The following DRC4 variants were observed in gnomAD, a reference collection of about 807,000 sequenced individuals.
DRC4 encodes dynein regulatory complex subunit 4, also known as GAS-11.
At chr16:90,031,340 C>T in the DRC4 span, 206,956 of 1,613,226 alleles carry the variant, frequency 0.13, 22,896 homozygotes, top group East Asian at 0.65. Context: ...AGCTGGACCG[C>T]GAGCGGGAGG....
At chr16:90,020,461 G>A in the DRC4 span, among the ~76,000 whole-genome samples, 1 of 152,206 alleles carries the variant, frequency 6.6e-6, no homozygotes, top group African/African-American at 2.4e-5. Flanking sequence ...ATCAGACAGA[G>A]GGCAGTCGGT....
At chr16:90,043,350 C>CT in the DRC4 span, 1 of 1,604,472 alleles carries the variant, frequency 6.2e-7, no homozygotes, top group South Asian at 1.1e-5. Context: ...ACGTAGCTGC[C>CT]CCCCTGGGGG....
the DRC4 span, among the ~76,000 whole-genome samples, chr16:90,028,173 A>AT: frequency 7.2e-3 from 462 of 63,798 alleles, 109 homozygotes; most frequent in African/African-American, 0.014. Context: ...TTAATCGTTC[A>AT]TTTTTTTTTT....
At chr16:90,028,723 C>CT in the DRC4 span, among the ~76,000 whole-genome samples, 5 of 152,238 alleles carry the variant, frequency 3.3e-5, no homozygotes, top group Admixed American at 3.3e-4. Flanking sequence ...GGTGCACCCT[C>CT]TGGCCTCTGC....
At chr16:90,031,271 C>T in the DRC4 span, 3 of 1,610,028 alleles carry the variant, frequency 1.9e-6, no homozygotes, top group African/African-American at 1.3e-5. Flanking sequence ...CTGCTCAGTG[C>T]CTCACCTGAC....
the DRC4 span, among the ~76,000 whole-genome samples, chr16:90,032,136 AAGGTGTGGTAC>A: frequency 1.4e-4 from 14 of 102,742 alleles, no homozygotes; most frequent in Non-Finnish European, 2.0e-4. Flanking sequence ...GACAGGTGAG[AAGGTGTGGTAC>A]AGGTGTGGTG....
chr16:90,037,538 C>G, the DRC4 span: 3 of 1,102,366 alleles, frequency 2.7e-6, no homozygotes, highest in Non-Finnish European at 3.9e-6. Context: ...TTCTCTGCCT[C>G]GTGTTCTCCT....
chr16:90,041,912 A>T, the DRC4 span, among the ~76,000 whole-genome samples: 6 of 152,206 alleles, frequency 3.9e-5, no homozygotes, highest in African/African-American at 1.4e-4. Context: ...CCCTCACCTC[A>T]TCTGCATTTC....
chr16:90,032,497 A>G, the DRC4 span, among the ~76,000 whole-genome samples: 5 of 148,730 alleles, frequency 3.4e-5, no homozygotes, highest in African/African-American at 1.3e-4. Flanking sequence ...ACGGGTACGG[A>G]CAGGTGAGGA....
At chr16:90,043,876 G>A in the DRC4 span, 59,932 of 461,640 alleles carry the variant, frequency 0.13, 7,146 homozygotes, top group East Asian at 0.61. Flanking sequence ...GCCAGCGTGC[G>A]GGAACGGGCA....
the DRC4 span, chr16:90,036,416 C>A: frequency 2.5e-6 from 4 of 1,611,204 alleles, no homozygotes; most frequent in Non-Finnish European, 3.4e-6. Flanking sequence ...GATGAAGATG[C>A]TGAGGGACGA....
At chr16:90,042,787 G>A in the DRC4 span, 3 of 539,462 alleles carry the variant, frequency 5.6e-6, no homozygotes, top group South Asian at 4.2e-5. Flanking sequence ...ACGCTTCCCT[G>A]GTCAGCCCCT....
chr16:90,029,249 C>T, the DRC4 span: 1 of 1,253,022 alleles, frequency 8.0e-7, no homozygotes, highest in Non-Finnish European at 1.0e-6. Flanking sequence ...GCACGTTGAG[C>T]CACAGACTCA....
the DRC4 span, chr16:90,032,950 G>T: frequency 6.2e-7 from 1 of 1,600,864 alleles, no homozygotes; most frequent in South Asian, 1.1e-5. Flanking sequence ...GCACCTGGAG[G>T]CTGACAGGTT....
chr16:90,040,515 C>T, the DRC4 span: 270 of 1,591,860 alleles, frequency 1.7e-4, 1 homozygote, highest in Middle Eastern at 1.5e-3. Context: ...TGGAGGTAGG[C>T]CCTAGACAGG....
chr16:90,037,741 T>C, the DRC4 span: 2 of 1,607,418 alleles, frequency 1.2e-6, no homozygotes, highest in Non-Finnish European at 1.7e-6. Context: ...TTCTGTCCCC[T>C]ACTCCCTGTT....
the DRC4 span, among the ~76,000 whole-genome samples, chr16:90,030,466 G>T: frequency 6.6e-6 from 1 of 150,922 alleles, no homozygotes; most frequent in Non-Finnish European, 1.5e-5. Flanking sequence ...TCAGTCTTCT[G>T]AGTAGCTGGG....
the DRC4 span, chr16:90,032,720 G>A: frequency 2.3e-5 from 37 of 1,613,766 alleles, no homozygotes; most frequent in Non-Finnish European, 3.1e-5. Flanking sequence ...CCCTGCAGGT[G>A]TACAAGCAGA....
the DRC4 span, among the ~76,000 whole-genome samples, chr16:90,028,224 G>A: frequency 8.2e-5 from 9 of 110,020 alleles, no homozygotes; most frequent in East Asian, 8.6e-4. Flanking sequence ...TCACTCTGTC[G>A]CCCAGGCTGG....
Sources: allele counts gnomAD v4.1 joint callset (sites outside exome capture counted in the v4.1 genomes callset), GRCh38; gene constraint gnomAD v4.1.1; transcripts MANE v1.5; gene names NCBI Gene and HGNC (gene_info 2026-07-23, HGNC 2026-07-21).